Variants in SPICE1 observed in about 807,000 individuals in gnomAD.
The protein encoded by SPICE1 is spindle and centriole associated protein 1.
SPICE1 carries 75 observed loss-of-function variants against 102.7 expected under a neutral mutation model. The observed-to-expected ratio is 0.73, with a 90% CI of 0.61 to 0.88. The LOEUF is 0.88. Ranked by LOEUF, SPICE1 falls within the 40% of genes least tolerant of loss-of-function variation. The probability of loss-of-function intolerance (pLI) is 0.00; values close to 1 mark genes in which losing one functional copy is unlikely to be tolerated. For missense variants in SPICE1, 979 were observed against 1,020.1 expected (o/e 0.96, Z 0.55); for synonymous variants, 308 against 350.3 (o/e 0.88, Z 1.35).
chr3:113,502,764 G>C (rs1937034922), intron 3 of SPICE1, among the ~76,000 whole-genome samples: 1 of 149,338 alleles, frequency 6.7e-6, no homozygotes, highest in African/African-American at 2.5e-5. Context: ...GGGTAGAGAA[G>C]AAGGTACAGA....
intron 7 of SPICE1, among the ~76,000 whole-genome samples, chr3:113,480,912 T>TAAAGAAATAAAGAAAGAAAGAAAGAAAG: frequency 9.4e-6 from 1 of 106,504 alleles, no homozygotes; most frequent in East Asian, 3.6e-4. Flanking sequence ...TTTAAAAATT[T>TAAAGAAATAAAGAAAGAAAGAAAGAAAG]AAAGAAAGAA....
rs764299226 is a variant in SPICE1, at chr3:113,460,630, A to G, written c.1422T>C (p.Val474=). ...ASESGATGRR[V]MDSPERPVVN... The stretch of plus-strand genomic sequence containing the variant: ...GACCACACTCACCTGGACTGTCCAT[A>G]ACTCTTCTACCTGTGGCTCCGCTTT... The change falls in exon 12 of 18, where the codon GTT becomes GTC. Residue 474 remains valine, a synonymous_variant. Coordinates refer to ENST00000295872, the MANE Select transcript of SPICE1 (RefSeq NM_144718.4). 12 of 1,612,378 alleles carry G rather than the reference A, an allele frequency of 7.4e-6. No individual in the cohort carries two copies. The South Asian group carries it at 1.2e-4, about 16-fold the overall frequency.
chr3:113,468,668 T>C (rs1203888427), intron 9 of SPICE1, 94 bp downstream of exon 9: 35 of 1,350,362 alleles, frequency 2.6e-5, no homozygotes, highest in Non-Finnish European at 3.4e-5. Context: ...ACCATGTGGA[T>C]GAGATTAAGG....
intron 7 of SPICE1, among the ~76,000 whole-genome samples, chr3:113,480,970 G>C (rs1936486213): frequency 1.0e-5 from 1 of 99,186 alleles, no homozygotes; most frequent in Admixed American, 9.3e-5. Flanking sequence ...TACTTAAGAG[G>C]AAACAATAGA....
chr3:113,459,568 C>T, intron 12 of SPICE1: 1 of 985,356 alleles, frequency 1.0e-6, no homozygotes, highest in Non-Finnish European at 1.2e-6. Context: ...AAAACACTAA[C>T]ATATTCCTTG....
At chr3:113,492,269 T>C (rs560146714) in intron 6 of SPICE1, among the ~76,000 whole-genome samples, 1 of 152,346 alleles carries the variant, frequency 6.6e-6, no homozygotes, top group South Asian at 2.1e-4. Context: ...ATATATCTTT[T>C]ATGATTCTGG....
At chr3:113,453,374 T>G (rs1935701826) in intron 14 of SPICE1, 92 bp downstream of exon 14, 3 of 1,465,296 alleles carry the variant, frequency 2.0e-6, no homozygotes, top group Admixed American at 4.5e-5. Flanking sequence ...CTTTCTAGGA[T>G]CACTTCTGAA....
chr3:113,474,067 G>C (rs1559965387), intron 7 of SPICE1, among the ~76,000 whole-genome samples: 1 of 151,752 alleles, frequency 6.6e-6, no homozygotes. Context: ...ACACACATAG[G>C]CTCAAAATAA....
chr3:113,465,634 T>C lies in SPICE1; in HGVS notation c.1287+19A>G, dbSNP rs1936036880. 6.2e-7 allele frequency: 1 copy of C among 1,604,414 alleles called. No homozygotes were observed. Among genetic ancestry groups the C allele is most frequent in the Admixed American group, 1.7e-5 (1 of 57,368 alleles). ...TTTATACCACTGAACACATAAAAAT[T>C]GGGATCTCATCTGAGTACCTGTGTA... On this transcript the variant is annotated intron_variant, in intron 11 of 17. Coordinates refer to ENST00000295872, the MANE Select transcript of SPICE1 (RefSeq NM_144718.4).
chr3:113,450,456 T>G lies in SPICE1; in HGVS notation c.2203A>C (p.Asn735His). 6.2e-7 allele frequency: 1 copy of G among 1,614,046 alleles called. No homozygotes were observed. Among genetic ancestry groups the G allele is most frequent in the Non-Finnish European group, 8.5e-7 (1 of 1,180,016 alleles). ...CCACGAGCCTCCATACTTTGTCGAT[T>G]CAATTCTGCAATCCGTTCCTCCATA... ...GSMEERIAEL[N>H]RQSMEARGKL... The change falls in exon 15 of 18, where the codon AAT (asparagine) becomes CAT (histidine). Residue 735 changes from asparagine (N) to histidine (H), a missense_variant. Physicochemically the swap from Asn to His is moderately conservative, Grantham distance 68. Transcript: ENST00000295872.
intron 1 of SPICE1, among the ~76,000 whole-genome samples, chr3:113,512,227 C>G (rs951170497): frequency 1.3e-5 from 2 of 152,094 alleles, no homozygotes; most frequent in African/African-American, 4.8e-5. Flanking sequence ...AATTTACTAC[C>G]TGTGTACAGT....
At chr3:113,483,748 G>A (rs1481307204) in intron 7 of SPICE1, among the ~76,000 whole-genome samples, 1 of 152,166 alleles carries the variant, frequency 6.6e-6, no homozygotes, top group Admixed American at 6.5e-5. Flanking sequence ...TGGTGGATAA[G>A]CTTTTTGATG....
Position 113,468,120 on chromosome 3 carries a change from A to T in SPICE1, c.1155+19T>A, listed in dbSNP as rs1936104205. On this transcript the variant is annotated intron_variant, in intron 10 of 17. Coordinates refer to ENST00000295872, the MANE Select transcript of SPICE1 (RefSeq NM_144718.4). ...CATTTCTGCCTGAAAAGAAGACTCT[A>T]CTAACCTAATGTCCTTACCTCTTTA... is the stretch of plus-strand genomic sequence containing the variant. 6.2e-7 allele frequency: 1 copy of T among 1,608,788 alleles called. No individual in the cohort carries two copies. Among genetic ancestry groups the T allele is most frequent in the African/African-American group, 1.3e-5 (1 of 74,748 alleles).
rs575917138 is a variant in SPICE1 at position 113,465,994 on chromosome 3, A to C, written c.1156-210T>G. On this transcript the variant is annotated intron_variant, in intron 10 of 17. Transcript: ENST00000295872. ...CCCTTCTTTAAATAGAATAAAATGA[A>C]CTAAATGCTATATAAAATTAAGTAA... Among the ~76,000 whole-genome samples the C allele has an allele frequency of 1.5e-3, 221 of 152,348 alleles. 1 individual carries two copies. Among genetic ancestry groups the C allele is most frequent in the Non-Finnish European group, 2.6e-3 (177 of 68,028 alleles).
intron 1 of SPICE1, among the ~76,000 whole-genome samples, chr3:113,513,657 T>C (rs1937262328): frequency 6.6e-6 from 1 of 152,214 alleles, no homozygotes; most frequent in Admixed American, 6.5e-5. Context: ...TCCTTATCTC[T>C]TAGTGAATCA....
intron 7 of SPICE1, among the ~76,000 whole-genome samples, chr3:113,470,090 G>T (rs1250273992): frequency 1.3e-5 from 2 of 152,162 alleles, no homozygotes; most frequent in African/African-American, 4.8e-5. Flanking sequence ...CACTGATAAG[G>T]TTGATATTTT....
In SPICE1 at chr3:113,469,018, AAC is replaced by A. The variant is rs1263122422; in HGVS notation, c.751+79_751+80del. ...AGGCAAAGGCAGTCAAAACTCAAAT[AAC>A]ATTCCTTCAAAAATTACTGCATTCA... On this transcript the variant is annotated intron_variant, in intron 8 of 17. Transcript: ENST00000295872. 4.0e-5 allele frequency: 63 copies of A among 1,565,038 alleles called. No homozygotes were observed. The African/African-American group carries it at 7.7e-4, about 19-fold the overall frequency.
intron 7 of SPICE1, among the ~76,000 whole-genome samples, chr3:113,488,590 A>T (rs1936696337): frequency 6.6e-6 from 1 of 152,202 alleles, no homozygotes; most frequent in Non-Finnish European, 1.5e-5. Context: ...CAAACTTTGG[A>T]GACTCAGAAG....
At chr3:113,451,770 C>T (rs1935658273) in intron 14 of SPICE1, among the ~76,000 whole-genome samples, 2 of 152,156 alleles carry the variant, frequency 1.3e-5, no homozygotes, top group South Asian at 4.1e-4. Context: ...TCCCTACTAG[C>T]AATATTCCTT....
Sources: allele counts gnomAD v4.1 joint callset (sites outside exome capture counted in the v4.1 genomes callset), GRCh38; gene constraint gnomAD v4.1.1; transcripts MANE v1.5; gene names NCBI Gene and HGNC (gene_info 2026-07-23, HGNC 2026-07-21).